Variants in ACOXL observed in about 807,000 individuals in gnomAD.
ACOXL encodes the protein acyl-coenzyme A oxidase-like protein.
A neutral mutation model predicts 71.9 loss-of-function variants in ACOXL; 70 were observed. That is an observed-to-expected ratio of 0.97 (90% CI 0.80 to 1.19). ACOXL has a LOEUF of 1.19. Among genes scored for constraint, ACOXL ranks in the 50% most tolerant of loss-of-function variants. The pLI is 0.00. For missense variants in ACOXL, 703 were observed against 736.3 expected (o/e 0.95, Z 0.52); for synonymous variants, 253 against 281.6 (o/e 0.90, Z 1.02).
intron 17 of ACOXL, among the ~76,000 whole-genome samples, chr2:111,097,483 C>A (rs1215778326): frequency 1.3e-5 from 2 of 152,216 alleles, no homozygotes; most frequent in Non-Finnish European, 2.9e-5. Context: ...ACATCCAGCA[C>A]CCAGTTCTTG....
intron 17 of ACOXL, chr2:111,093,583 G>A: frequency 6.3e-7 from 1 of 1,594,212 alleles, no homozygotes; most frequent in Non-Finnish European, 8.6e-7. Context: ...CATAAATACT[G>A]GCCAGGTGCA....
intron 10 of ACOXL, among the ~76,000 whole-genome samples, chr2:110,871,946 C>T (rs184283184): frequency 2.0e-5 from 3 of 152,328 alleles, no homozygotes; most frequent in Non-Finnish European, 2.9e-5. Flanking sequence ...TCCACCTCTG[C>T]GTAACAAACC....
rs531545694 is a variant in ACOXL, at chr2:110,874,235, C to T, written c.788+32830C>T. Among the ~76,000 whole-genome samples the T allele has an allele frequency of 7.2e-4, 109 of 152,268 alleles. 1 individual carries two copies. Among genetic ancestry groups the T allele is most frequent in the African/African-American group, 2.5e-3 (103 of 41,562 alleles). On this transcript the variant is annotated intron_variant, in intron 10 of 17. Transcript: ENST00000439055. ...TTGGGGGGGTGGTGAGGGGCTGCCC[C>T]GCTGCAGGGAGAGTGGGCACGACAT...
At chr2:110,801,163 G>T (rs184322726) in intron 7 of ACOXL, among the ~76,000 whole-genome samples, 95 of 152,204 alleles carry the variant, frequency 6.2e-4, no homozygotes, top group African/African-American at 2.0e-3. Flanking sequence ...TGTCCTTGTG[G>T]CTATTTTCCC....
chr2:110,785,001 A>G (rs1418143011), intron 3 of ACOXL, among the ~76,000 whole-genome samples, 186 bp downstream of exon 3: 3 of 152,080 alleles, frequency 2.0e-5, no homozygotes, highest in Non-Finnish European at 2.9e-5. Context: ...TTTTGTTTCT[A>G]ATTTGCTTTT....
intron 12 of ACOXL, among the ~76,000 whole-genome samples, chr2:110,954,707 A>AT (rs1237948974): frequency 6.6e-6 from 1 of 152,080 alleles, no homozygotes; most frequent in African/African-American, 2.4e-5. Context: ...CTATGGAATC[A>AT]TTTTTTCTTT....
intron 16 of ACOXL, among the ~76,000 whole-genome samples, chr2:111,076,522 A>G (rs1044514659): frequency 5.3e-5 from 8 of 152,052 alleles, no homozygotes; most frequent in Non-Finnish European, 1.5e-5. Flanking sequence ...TTTTTTTAAA[A>G]CATTTATTTT....
chr2:110,868,886 C>T (rs1694939328), intron 10 of ACOXL, among the ~76,000 whole-genome samples: 1 of 152,192 alleles, frequency 6.6e-6, no homozygotes, highest in Non-Finnish European at 1.5e-5. Context: ...CCACTGCTTC[C>T]AGCCTGGAGT....
intron 10 of ACOXL, among the ~76,000 whole-genome samples, chr2:110,863,898 A>G (rs1694244571): frequency 6.6e-6 from 1 of 152,154 alleles, no homozygotes; most frequent in Non-Finnish European, 1.5e-5. Context: ...CATTACTGCT[A>G]GTTTCACAAC....
chr2:110,869,508 G>A (rs1695005380), intron 10 of ACOXL, among the ~76,000 whole-genome samples: 1 of 152,184 alleles, frequency 6.6e-6, no homozygotes, highest in South Asian at 2.1e-4. Flanking sequence ...TGGCGGGGAT[G>A]TATTCTCTCC....
chr2:110,816,862 T>G (rs1291465314), intron 9 of ACOXL, among the ~76,000 whole-genome samples: 2 of 152,254 alleles, frequency 1.3e-5, no homozygotes, highest in African/African-American at 4.8e-5. Context: ...TGGTCACCTC[T>G]GGACTCAGCA....
chr2:110,928,210 C>G (rs1452888269), intron 11 of ACOXL, among the ~76,000 whole-genome samples: 2 of 152,204 alleles, frequency 1.3e-5, no homozygotes, highest in Non-Finnish European at 2.9e-5. Context: ...ATAGCTAACA[C>G]ACATTCAAGT....
At chr2:110,766,651 C>A (rs1348805979) in intron 1 of ACOXL, among the ~76,000 whole-genome samples, 1 of 152,178 alleles carries the variant, frequency 6.6e-6, no homozygotes, top group African/African-American at 2.4e-5. Flanking sequence ...CCTACCACCT[C>A]CTTTTTCCTT....
intron 1 of ACOXL, among the ~76,000 whole-genome samples, chr2:110,742,112 C>T (rs1677626122): frequency 6.6e-6 from 1 of 152,230 alleles, no homozygotes; most frequent in African/African-American, 2.4e-5. Context: ...ACAGCTATTG[C>T]TGTCTTGTCT....
At chr2:110,901,683 CACTT>C (rs1415909469) in intron 10 of ACOXL, among the ~76,000 whole-genome samples, 25 of 151,868 alleles carry the variant, frequency 1.6e-4, no homozygotes, top group Middle Eastern at 3.4e-3. Flanking sequence ...CATATACACT[CACTT>C]ACACACACAC....
chr2:110,947,329 G>C (rs2061147820), intron 12 of ACOXL, among the ~76,000 whole-genome samples: 1 of 152,262 alleles, frequency 6.6e-6, no homozygotes, highest in East Asian at 1.9e-4. Context: ...GAATAATAGG[G>C]GAAACAGCCC....
intron 13 of ACOXL, among the ~76,000 whole-genome samples, chr2:110,993,048 C>G (rs2063243941): frequency 6.6e-6 from 1 of 152,216 alleles, no homozygotes; most frequent in Non-Finnish European, 1.5e-5. Context: ...CATTCACCTT[C>G]TCTTTTTGAT....
intron 9 of ACOXL, among the ~76,000 whole-genome samples, chr2:110,819,591 A>G (rs1309320627): frequency 6.6e-6 from 1 of 152,226 alleles, no homozygotes; most frequent in Non-Finnish European, 1.5e-5. Context: ...AGGAGATCAT[A>G]GCTTCATGGA....
At chr2:111,066,291 A>G (rs1198674743) in intron 16 of ACOXL, among the ~76,000 whole-genome samples, 1 of 152,214 alleles carries the variant, frequency 6.6e-6, no homozygotes, top group Non-Finnish European at 1.5e-5. Flanking sequence ...AAGGTTACAT[A>G]CCATGATTCC....
Sources: gnomAD v4.1 joint callset for allele counts (sites outside exome capture counted in the v4.1 genomes callset) on GRCh38, gnomAD v4.1.1 for gene constraint, MANE v1.5 for transcripts, NCBI Gene and HGNC (gene_info 2026-07-23, HGNC 2026-07-21) for gene names.